The following IQCJ variants were observed in gnomAD, a reference collection of about 807,000 sequenced individuals.
IQCJ encodes IQ domain-containing protein J.
Under a neutral mutation model 11.0 loss-of-function variants are expected in IQCJ, and 9 were observed. The ratio of observed to expected loss-of-function variants is 0.82; its 90% confidence interval spans 0.49 to 1.43. IQCJ has a LOEUF of 1.43. Ranked by LOEUF, IQCJ falls within the 40% of genes most tolerant of loss-of-function variation. IQCJ has a pLI of 0.00. For synonymous variants in IQCJ, 55 were observed against 51.3 expected (o/e 1.07, Z -0.31); for missense variants, 146 against 133.2 (o/e 1.10, Z -0.47).
intron 1 of IQCJ, among the ~76,000 whole-genome samples, chr3:159,197,913 ATT>A (rs999140936): frequency 6.6e-6 from 1 of 151,662 alleles, no homozygotes; most frequent in Non-Finnish European, 1.5e-5. Flanking sequence ...CAAATCAAAA[ATT>A]TTTTTTTACT....
chr3:159,262,593 G>T lies in IQCJ; in HGVS notation c.201G>T (p.Leu67=). Residue 67 remains leucine (L), a synonymous_variant, in exon 4 of 4, where the codon CTG becomes CTT. Transcript: ENST00000397832. ...AGTACCTGCAGCGGCAGGAGCCCCTGGGGAAGAGGAGCCCGTCCCCACCCT... is the reference window on the plus strand; with the variant it reads ...AGTACCTGCAGCGGCAGGAGCCCCTTGGGAAGAGGAGCCCGTCCCCACCCT... The part of the protein sequence containing the change: ...WREYLQRQEP[L]GKRSPSPPSV... 5 of 1,613,930 alleles carry T rather than the reference G, an allele frequency of 3.1e-6. No homozygotes were observed. Among genetic ancestry groups the T allele is most frequent in the Non-Finnish European group, 3.4e-6 (4 of 1,179,850 alleles).
intron 1 of IQCJ, among the ~76,000 whole-genome samples, chr3:159,078,962 A>G (rs1187900568): frequency 2.0e-5 from 3 of 152,120 alleles, no homozygotes; most frequent in Non-Finnish European, 4.4e-5. Flanking sequence ...CCATGGCAAT[A>G]ATAATTATTA....
chr3:159,205,509 T>C (rs917126812), intron 1 of IQCJ, among the ~76,000 whole-genome samples: 2 of 152,214 alleles, frequency 1.3e-5, no homozygotes, highest in African/African-American at 4.8e-5. Context: ...TCAGGTCAAC[T>C]AACACTGTGT....
At chr3:159,242,070 C>G (rs559884755) in intron 1 of IQCJ, among the ~76,000 whole-genome samples, 1 of 152,028 alleles carries the variant, frequency 6.6e-6, no homozygotes, top group African/African-American at 2.4e-5. Flanking sequence ...CAAGGAACAG[C>G]GAAGATAAAT....
At chr3:159,123,581 G>A (rs1315704403) in intron 1 of IQCJ, among the ~76,000 whole-genome samples, 1 of 152,110 alleles carries the variant, frequency 6.6e-6, no homozygotes, top group African/African-American at 2.4e-5. Context: ...GGCACAGAAT[G>A]GGTTATGGGG....
chr3:159,256,549 C>A (rs1727908100), intron 3 of IQCJ, among the ~76,000 whole-genome samples: 2 of 152,066 alleles, frequency 1.3e-5, no homozygotes, highest in South Asian at 4.1e-4. Context: ...GGTTCAAATC[C>A]CAGCTCTGCT....
chr3:159,230,729 A>AT (rs1201423734), intron 1 of IQCJ, among the ~76,000 whole-genome samples: 1 of 152,228 alleles, frequency 6.6e-6, no homozygotes, highest in Non-Finnish European at 1.5e-5. Context: ...AACTTTATCC[A>AT]TTGTAAATAG....
intron 1 of IQCJ, 47 bp from the exon 2 acceptor site, chr3:159,245,796 G>T: frequency 6.9e-7 from 1 of 1,457,548 alleles, no homozygotes. Context: ...GCATTGCTCG[G>T]AAGTAGCTGG....
chr3:159,138,918 A>C lies in IQCJ; in HGVS notation c.9+69477A>C, dbSNP rs372169167. ...TCATAAAGTAGTGATTGACTTTTAT[A>C]TGAAAAACAGTTATTTGCCTACAAC... On this transcript the variant is annotated intron_variant, in intron 1 of 3. Coordinates refer to ENST00000397832, the MANE Select transcript of IQCJ (RefSeq NM_001042706.3). Among the ~76,000 whole-genome samples, 13 of 152,336 alleles carry C rather than the reference A, an allele frequency of 8.5e-5. No individual in the cohort carries two copies. The South Asian group carries it at 2.5e-3, about 29-fold the overall frequency.
intron 1 of IQCJ, among the ~76,000 whole-genome samples, chr3:159,073,156 A>G (rs1715692768): frequency 6.6e-6 from 1 of 152,080 alleles, no homozygotes; most frequent in Non-Finnish European, 1.5e-5. Flanking sequence ...AGTGGGCAGA[A>G]ATGACCAGGC....
intron 1 of IQCJ, among the ~76,000 whole-genome samples, chr3:159,185,429 C>A (rs1723321112): frequency 6.6e-6 from 1 of 152,102 alleles, no homozygotes; most frequent in African/African-American, 2.4e-5. Flanking sequence ...TAGAAAGGAT[C>A]CTGAGTGCCA....
At chr3:159,149,834 T>A (rs1217765909) in intron 1 of IQCJ, among the ~76,000 whole-genome samples, 1 of 152,186 alleles carries the variant, frequency 6.6e-6, no homozygotes, top group East Asian at 1.9e-4. Context: ...AACAAGGCTC[T>A]TTAGGGAGGC....
intron 1 of IQCJ, among the ~76,000 whole-genome samples, chr3:159,231,778 T>C (rs953897036): frequency 6.1e-4 from 93 of 152,310 alleles, no homozygotes; most frequent in African/African-American, 2.2e-3. Flanking sequence ...TATTTGTTGG[T>C]AGGCTATTAA....
chr3:159,250,759 G>T (rs1727548582), intron 2 of IQCJ, among the ~76,000 whole-genome samples: 1 of 152,190 alleles, frequency 6.6e-6, no homozygotes, highest in South Asian at 2.1e-4. Context: ...GACATGTGGG[G>T]ATTATTACAA....
intron 1 of IQCJ, among the ~76,000 whole-genome samples, chr3:159,217,416 C>A (rs1725293880): frequency 6.6e-6 from 1 of 152,134 alleles, no homozygotes; most frequent in African/African-American, 2.4e-5. Context: ...ACATGCTTGG[C>A]TGCACTTAAT....
intron 1 of IQCJ, among the ~76,000 whole-genome samples, chr3:159,141,298 G>A (rs1337135842): frequency 2.0e-5 from 3 of 152,172 alleles, no homozygotes; most frequent in African/African-American, 7.2e-5. Flanking sequence ...GGAGGCTGGG[G>A]GGCATTAAAT....
chr3:159,231,914 G>T (rs1176024827), intron 1 of IQCJ, among the ~76,000 whole-genome samples: 2 of 152,146 alleles, frequency 1.3e-5, no homozygotes, highest in African/African-American at 2.4e-5. Flanking sequence ...TAGTTTATTT[G>T]CATAGAGGTG....
At chr3:159,236,126 G>A (rs1726567613) in intron 1 of IQCJ, among the ~76,000 whole-genome samples, 1 of 152,034 alleles carries the variant, frequency 6.6e-6, no homozygotes, top group East Asian at 1.9e-4. Context: ...TAAATGAGCT[G>A]TTGATGTCCT....
At position 159,152,443 on chromosome 3, in the gene IQCJ, A is replaced by G. The variant is rs1441551881; in HGVS notation, c.9+83002A>G. ...GTATGTGGCTCCTCAGGACCCTCCA[A>G]TGTACGTTACCATGTGTCTGAACTA... is the stretch of plus-strand genomic sequence containing the variant. On this transcript the variant is annotated intron_variant, in intron 1 of 3. Transcript: ENST00000397832. Among the ~76,000 whole-genome samples, 9 of 152,114 alleles carry G rather than the reference A, an allele frequency of 5.9e-5. No individual in the cohort carries two copies. In the East Asian group the frequency reaches 1.5e-3, roughly 26 times the overall value.
Sources: gnomAD v4.1 joint callset for allele counts (sites outside exome capture counted in the v4.1 genomes callset) on GRCh38, gnomAD v4.1.1 for gene constraint, MANE v1.5 for transcripts, NCBI Gene and HGNC (gene_info 2026-07-23, HGNC 2026-07-21) for gene names.